Variants in USP53 observed in about 807,000 individuals in gnomAD.
USP53 encodes ubiquitin carboxyl-terminal hydrolase 53.
USP53 carries 71 observed loss-of-function variants against 94.9 expected under a neutral mutation model. The observed-to-expected ratio is 0.75, with a 90% confidence interval of 0.62 to 0.91. USP53 has a LOEUF of 0.91. Ranked by LOEUF, USP53 falls within the 40% of genes least tolerant of loss-of-function variation. The probability of loss-of-function intolerance (pLI) is 0.00; values close to 1 mark genes in which losing one functional copy is unlikely to be tolerated. For synonymous variants in USP53, 375 were observed against 422.7 expected (o/e 0.89, Z 1.39); for missense variants, 1,173 against 1,281.0 (o/e 0.92, Z 1.29).
chr4:119,271,729 G>A lies in USP53; in HGVS notation c.1869G>A (p.Pro623=), dbSNP rs756210501. The A allele has an allele frequency of 3.7e-6, 6 of 1,613,876 alleles. No individual in the cohort carries two copies. The highest frequency in any genetic ancestry group is 2.2e-5 in the South Asian group (2 of 90,994). Residue 623 remains proline (P), a synonymous_variant, in exon 16 of 19, where the codon CCG becomes CCA. Transcript: ENST00000692078. ...ATAAGCCTAAATCTAGCAAGGATCC[G>A]AGTTTTAGTAATTGGCCAAAAGAGA... ...ISNKPKSSKD[P]SFSNWPKENP... is the part of the protein sequence containing the mutation.
intron 7 of USP53, among the ~76,000 whole-genome samples, chr4:119,255,529 C>A (rs1749634303): frequency 6.6e-6 from 1 of 152,328 alleles, no homozygotes; most frequent in South Asian, 2.1e-4. Context: ...GTGAGCAAGG[C>A]TCCGTGGGTG....
Position 119,271,610 on chromosome 4 carries a change from TG to T in USP53, c.1752del (p.Trp584Ter). 1 of 1,613,758 alleles carries T rather than the reference TG, an allele frequency of 6.2e-7. No individual in the cohort carries two copies. The highest frequency in any genetic ancestry group is 8.5e-7 in the Non-Finnish European group (1 of 1,180,028). ...CAGCAGTAAAAGCCGGAACCGAGGT[TG>T]GAAACCTATGAGAGAAACATTAAAT... ...DSSSKSRNRG[W>X]KPMRETLNVD... is the part of the protein sequence containing the mutation. On this transcript the variant is annotated frameshift_variant, in exon 16 of 19. Coordinates refer to ENST00000692078, the MANE Select transcript of USP53 (RefSeq NM_001371395.1). LOFTEE classifies it high-confidence loss of function.
intron 7 of USP53, among the ~76,000 whole-genome samples, chr4:119,254,049 A>G (rs1263948134): frequency 1.3e-5 from 2 of 152,052 alleles, no homozygotes; most frequent in East Asian, 3.9e-4. Context: ...ATTGGCCCCC[A>G]CTCTCTTCTG....
rs1755128372 is a variant in USP53 at position 119,295,042 on chromosome 4, T to A, written c.*1831T>A. 6.6e-6 allele frequency: 1 copy of A among 151,670 alleles called. No individual in the cohort carries two copies. The highest frequency in any genetic ancestry group is 6.6e-5 in the Admixed American group (1 of 15,210). 9.4% of individuals were successfully genotyped at this position (151,670 alleles called of 1,614,324 possible). A position where few individuals can be genotyped will look rare whatever the true frequency, so the allele number is the denominator to read the frequency against. ...TAATAGCTTTCACAGTTTGTGTAGT[T>A]TTTTTTTTCTATTTGGTTAAGATGT... On this transcript the variant is annotated 3_prime_UTR_variant, in exon 19 of 19. Coordinates refer to ENST00000692078, the MANE Select transcript of USP53 (RefSeq NM_001371395.1).
intron 15 of USP53, among the ~76,000 whole-genome samples, chr4:119,270,325 T>C (rs933489087): frequency 1.3e-5 from 2 of 152,032 alleles, no homozygotes; most frequent in African/African-American, 4.8e-5. Flanking sequence ...CTTGAACTGC[T>C]GGCCTCAAAC....
Position 119,259,902 on chromosome 4 carries a change from A to C in USP53, c.652A>C (p.Thr218Pro). The change falls in exon 10 of 19, where the codon ACA becomes CCA. Residue 218 changes from threonine (T) to proline (P), a missense_variant. Physicochemically the swap from Thr to Pro is conservative, Grantham distance 38. Transcript: ENST00000692078. ...AGAATTGCTACAAGCAGCAAATACA[A>C]CAGATGACTATAGGAAATGTCCTGT... Reference protein sequence around the residue: ...FAELLQAANTTDDYRKCPSNC... With the variant: ...FAELLQAANTPDDYRKCPSNC... 1 of 1,611,276 alleles carries C rather than the reference A, an allele frequency of 6.2e-7. No homozygotes were observed. The highest frequency in any genetic ancestry group is 8.5e-7 in the Non-Finnish European group (1 of 1,178,582).
At chr4:119,282,216 G>A (rs1753588080) in intron 17 of USP53, among the ~76,000 whole-genome samples, 1 of 152,050 alleles carries the variant, frequency 6.6e-6, no homozygotes, top group Non-Finnish European at 1.5e-5. Flanking sequence ...GCTTTCATCT[G>A]TAAGTGGACA....
At position 119,266,225 on chromosome 4, in the gene USP53, G is replaced by A. The variant is rs973280711; in HGVS notation, c.973-1095G>A. 36 of 453,638 alleles carry A rather than the reference G, an allele frequency of 7.9e-5. No homozygotes were observed. In the East Asian group the frequency reaches 1.5e-3, roughly 19 times the overall value. The allele number at this position is 453,638 out of a possible 1,614,324, so 28.1% of individuals were successfully genotyped here. ...CTTTATTTTTATTGTGTGTTTTATG[G>A]CTGTACAACAATTTATCCGTTTACC... On this transcript the variant is annotated intron_variant, in intron 12 of 18. Coordinates refer to ENST00000692078, the MANE Select transcript of USP53 (RefSeq NM_001371395.1).
intron 7 of USP53, among the ~76,000 whole-genome samples, chr4:119,250,700 G>T (rs1407884763): frequency 6.6e-6 from 1 of 152,290 alleles, no homozygotes; most frequent in Middle Eastern, 3.4e-3. Context: ...GGAGAGAGAA[G>T]TTAGCTAATG....
chr4:119,261,950 GGAT>G (rs1401314270), intron 12 of USP53, 86 bp downstream of exon 12: 3 of 1,088,860 alleles, frequency 2.8e-6, no homozygotes, highest in African/African-American at 3.2e-5. Context: ...ATATTCAAAA[GGAT>G]GATATAATTA....
At chr4:119,281,058 T>C (rs891507427) in intron 17 of USP53, among the ~76,000 whole-genome samples, 5 of 152,206 alleles carry the variant, frequency 3.3e-5, no homozygotes, top group African/African-American at 1.2e-4. Context: ...GAAAGATTGA[T>C]AAAGAGCCTT....
At chr4:119,220,910 AG>A (rs1360102802) in intron 3 of USP53, 4 of 152,206 alleles carry the variant, frequency 2.6e-5, no homozygotes, top group Non-Finnish European at 5.9e-5. Flanking sequence ...GGGCAACATT[AG>A]GAATAAGAGA....
intron 5 of USP53, 110 bp downstream of exon 5, chr4:119,240,013 A>G (rs1747305185): frequency 2.7e-6 from 3 of 1,114,314 alleles, no homozygotes; most frequent in East Asian, 6.2e-5. Flanking sequence ...GACTAGAATG[A>G]CTTTTTAATA....
At chr4:119,250,054 G>A (rs1249054006) in intron 7 of USP53, among the ~76,000 whole-genome samples, 1 of 151,962 alleles carries the variant, frequency 6.6e-6, no homozygotes, top group East Asian at 1.9e-4. Context: ...TTTAAATCTA[G>A]ACTTTTTATT....
intron 3 of USP53, among the ~76,000 whole-genome samples, chr4:119,225,758 A>G (rs936838450): frequency 1.3e-5 from 2 of 152,128 alleles, no homozygotes; most frequent in Non-Finnish European, 2.9e-5. Flanking sequence ...AACAAAACAA[A>G]CAAAGAAAAA....
intron 3 of USP53, among the ~76,000 whole-genome samples, chr4:119,225,609 G>A (rs531398776): frequency 1.3e-5 from 2 of 152,188 alleles, no homozygotes; most frequent in East Asian, 3.9e-4. Flanking sequence ...AGCCGGGCGT[G>A]GTGGCGGGCG....
In USP53 at chr4:119,259,850, T is replaced by C. The variant is rs576725599; in HGVS notation, c.600T>C (p.His200=). The C allele has an allele frequency of 1.2e-6, 2 of 1,612,434 alleles. No individual in the cohort carries two copies. Among genetic ancestry groups the C allele is most frequent in the African/African-American group, 2.7e-5 (2 of 74,982 alleles). Residue 200 remains histidine, a synonymous_variant, in exon 10 of 19, where the codon CAT becomes CAC. Transcript: ENST00000692078. ...AGGTTGAAAGAATGTTGGAAAGGCA[T>C]GAACGCTTTAAACCTGAAATGTTTG... ...CNEVERMLER[H]ERFKPEMFAE... is the part of the protein sequence containing the mutation.
chr4:119,256,605 G>C, intron 9 of USP53, 82 bp downstream of exon 9: 1 of 1,396,696 alleles, frequency 7.2e-7, no homozygotes, highest in Non-Finnish European at 1.0e-6. Context: ...TAAAATCATA[G>C]CATACATGAA....
intron 15 of USP53, among the ~76,000 whole-genome samples, chr4:119,270,728 A>C (rs1013880635): frequency 6.6e-6 from 1 of 152,190 alleles, no homozygotes; most frequent in Admixed American, 6.5e-5. Flanking sequence ...TAGACTTTAC[A>C]GGCTGATTTA....
Sources: allele counts gnomAD v4.1 joint callset (sites outside exome capture counted in the v4.1 genomes callset), GRCh38; gene constraint gnomAD v4.1.1; transcripts MANE v1.5; gene names NCBI Gene and HGNC (gene_info 2026-07-23, HGNC 2026-07-21).